The following KCNMA1 variants were observed in gnomAD, a reference collection of about 807,000 sequenced individuals.
The protein encoded by KCNMA1 is potassium calcium-activated channel subfamily M alpha 1, also known as Calcium-activated potassium channel subunit alpha-1.
KCNMA1 carries 29 observed loss-of-function variants against 140.0 expected under a neutral mutation model. That is an observed-to-expected ratio of 0.21 (90% CI 0.15 to 0.28). KCNMA1 has a LOEUF of 0.28. Among genes scored for constraint, KCNMA1 ranks in the 10% least tolerant of loss-of-function variants. The pLI, the probability that KCNMA1 is intolerant of heterozygous loss-of-function variation, is 1.00. For missense variants in KCNMA1, 880 were observed against 1,602.2 expected (o/e 0.55, Z 7.70); for synonymous variants, 612 against 611.9 (o/e 1.00, Z 0.00).
intron 5 of KCNMA1, among the ~76,000 whole-genome samples, chr10:77,180,069 A>G (rs764742893): frequency 5.3e-5 from 8 of 152,202 alleles, no homozygotes; most frequent in African/African-American, 1.9e-4. Flanking sequence ...TTTATCTCCC[A>G]CAGAGCCAGC....
At chr10:77,603,504 T>C (rs1305073388) in intron 1 of KCNMA1, among the ~76,000 whole-genome samples, 3 of 152,112 alleles carry the variant, frequency 2.0e-5, no homozygotes, top group Admixed American at 2.0e-4. Flanking sequence ...GTCTGAGCAT[T>C]TGTGTCATAA....
intron 1 of KCNMA1, among the ~76,000 whole-genome samples, chr10:77,408,529 TG>T (rs2096545675): frequency 6.6e-6 from 1 of 151,916 alleles, no homozygotes; most frequent in Non-Finnish European, 1.5e-5. Context: ...TGTGTGCATC[TG>T]TGTGTGTGCT....
At chr10:77,521,746 C>A (rs967277298) in intron 1 of KCNMA1, among the ~76,000 whole-genome samples, 2 of 152,154 alleles carry the variant, frequency 1.3e-5, no homozygotes, top group Non-Finnish European at 2.9e-5. Context: ...AGTGATGACT[C>A]GGTTGAATGA....
chr10:77,389,733 T>C (rs1161030792), intron 2 of KCNMA1, among the ~76,000 whole-genome samples: 1 of 152,128 alleles, frequency 6.6e-6, no homozygotes, highest in Non-Finnish European at 1.5e-5. Flanking sequence ...TCCCACGGCA[T>C]CCTTCCCCCT....
intron 27 of KCNMA1, chr10:76,887,780 G>A (rs567836988): frequency 3.6e-5 from 18 of 501,936 alleles, no homozygotes; most frequent in African/African-American, 2.1e-4. Context: ...TTCGCTTCTC[G>A]TGGTCTACAT....
intron 14 of KCNMA1, among the ~76,000 whole-genome samples, chr10:77,051,736 TATC>T (rs1461265287): frequency 6.6e-6 from 1 of 152,138 alleles, no homozygotes; most frequent in African/African-American, 2.4e-5. Context: ...ATCCCAGCCT[TATC>T]ATGTGCTCCT....
chr10:76,878,075 T>C (rs1007840907), intron 29 of KCNMA1, among the ~76,000 whole-genome samples: 4 of 152,128 alleles, frequency 2.6e-5, no homozygotes, highest in African/African-American at 7.2e-5. Context: ...AATATACCTC[T>C]GCTTCCTGTA....
intron 25 of KCNMA1, among the ~76,000 whole-genome samples, chr10:76,895,275 A>G (rs1287648737): frequency 6.6e-6 from 1 of 152,184 alleles, no homozygotes; most frequent in Non-Finnish European, 1.5e-5. Flanking sequence ...GAGTCTTGCC[A>G]ATGCCGCTGG....
intron 2 of KCNMA1, among the ~76,000 whole-genome samples, chr10:77,359,812 A>T (rs1033133852): frequency 2.0e-5 from 3 of 152,196 alleles, no homozygotes; most frequent in Non-Finnish European, 4.4e-5. Flanking sequence ...TGTGTTTTTC[A>T]AATAAATAAG....
chr10:77,450,871 T>A (rs2154519850), intron 1 of KCNMA1, among the ~76,000 whole-genome samples: 1 of 152,290 alleles, frequency 6.6e-6, no homozygotes, highest in South Asian at 2.1e-4. Flanking sequence ...CAGTCAGGGG[T>A]AACAGAATGA....
At chr10:77,019,973 C>T (rs925765011) in intron 16 of KCNMA1, 3 of 152,084 alleles carry the variant, frequency 2.0e-5, no homozygotes, top group Non-Finnish European at 4.4e-5. Flanking sequence ...GTATCCTAAT[C>T]TAATAAATGG....
At chr10:77,492,476 A>G (rs947783913) in intron 1 of KCNMA1, among the ~76,000 whole-genome samples, 2 of 152,262 alleles carry the variant, frequency 1.3e-5, no homozygotes, top group African/African-American at 4.8e-5. Flanking sequence ...TGCACCAGGC[A>G]TCATTCTAAG....
chr10:77,617,333 A>G (rs1313233847), intron 1 of KCNMA1, among the ~76,000 whole-genome samples: 2 of 152,218 alleles, frequency 1.3e-5, no homozygotes, highest in African/African-American at 2.4e-5. Context: ...GGGAGAGGGC[A>G]GACTGGGAGA....
intron 1 of KCNMA1, among the ~76,000 whole-genome samples, chr10:77,565,369 C>CCCAAATTGCTAT (rs59269779): frequency 0.71 from 108,016 of 152,052 alleles, 39,155 homozygotes; most frequent in South Asian, 0.85. Context: ...AGCACATTTT[C>CCCAAATTGCTAT]CCAAATTGCT....
At chr10:77,633,464 G>A (rs1469706743) in intron 1 of KCNMA1, among the ~76,000 whole-genome samples, 2 of 152,088 alleles carry the variant, frequency 1.3e-5, no homozygotes, top group Admixed American at 1.3e-4. Flanking sequence ...TCAAAAAGGA[G>A]TATCTCAAGG....
intron 1 of KCNMA1, among the ~76,000 whole-genome samples, chr10:77,453,102 G>A (rs183306843): frequency 3.9e-5 from 6 of 152,200 alleles, no homozygotes; most frequent in South Asian, 2.1e-4. Context: ...TAAAGGAAAC[G>A]TTTCAGGTTA....
intron 11 of KCNMA1, 56 bp downstream of exon 11, chr10:77,086,432 C>A (rs1040034186): frequency 2.3e-6 from 3 of 1,302,060 alleles, no homozygotes; most frequent in Admixed American, 1.7e-5. Flanking sequence ...AGTCAGGACT[C>A]CCCCCAGACC....
intron 19 of KCNMA1, among the ~76,000 whole-genome samples, chr10:76,972,011 G>A (rs1219543209): frequency 3.3e-5 from 5 of 151,144 alleles, no homozygotes; most frequent in African/African-American, 4.9e-5. Flanking sequence ...GTATGCTTTC[G>A]CACTTTCCCC....
chr10:77,419,298 C>T (rs558939686), intron 1 of KCNMA1, among the ~76,000 whole-genome samples: 4 of 152,284 alleles, frequency 2.6e-5, no homozygotes, highest in East Asian at 3.9e-4. Flanking sequence ...ACTTTGCTGG[C>T]GTCTTGGAAA....
Sources: gnomAD v4.1 joint callset for allele counts (sites outside exome capture counted in the v4.1 genomes callset) on GRCh38, gnomAD v4.1.1 for gene constraint, MANE v1.5 for transcripts, NCBI Gene and HGNC (gene_info 2026-07-23, HGNC 2026-07-21) for gene names.